Variants in ANKRD18B observed in about 807,000 individuals in gnomAD.
ANKRD18B encodes ankyrin repeat domain 18B.
A neutral mutation model predicts 111.8 loss-of-function variants in ANKRD18B; 75 were observed. The ratio of observed to expected loss-of-function variants is 0.67; its 90% CI spans 0.56 to 0.81. ANKRD18B has a LOEUF of 0.81. ANKRD18B is among the 40% of genes least tolerant of loss of function. ANKRD18B has a pLI of 0.00. For missense variants in ANKRD18B, 1,038 were observed against 1,225.5 expected (o/e 0.85, Z 2.28); for synonymous variants, 356 against 417.3 (o/e 0.85, Z 1.79).
intron 4 of ANKRD18B, chr9:33,533,884 C>CATT (rs57494608): frequency 0.16 from 20,829 of 127,812 alleles, 1,195 homozygotes; most frequent in Middle Eastern, 0.23. Flanking sequence ...TTACCATTAT[C>CATT]ATTATTATTA....
chr9:33,554,203 AAAAG>A (rs1828489824), intron 12 of ANKRD18B, among the ~76,000 whole-genome samples: 1 of 151,380 alleles, frequency 6.6e-6, no homozygotes, highest in Middle Eastern at 3.4e-3. Flanking sequence ...GAAAGAAAGA[AAAAG>A]AAAGGACAAA....
chr9:33,543,074 T>C, intron 9 of ANKRD18B, 111 bp from the exon 10 acceptor site: 1 of 1,066,004 alleles, frequency 9.4e-7, no homozygotes, highest in Non-Finnish European at 1.4e-6. Flanking sequence ...TTAAGCTTCA[T>C]TTAAATTCTC....
Position 33,533,548 on chromosome 9 carries a change from G to A in ANKRD18B, c.602+3G>A, listed in dbSNP as rs1028153869. ...CATGCCGTTGACAATTTCAAAAGGT[G>A]CAATAGTTTTTGTTTTCTGTTTTCT... On this transcript the variant is annotated splice_donor_region_variant and intron_variant, in intron 4 of 18. Coordinates refer to ENST00000684830, the MANE Select transcript of ANKRD18B (RefSeq NM_001393611.1). 3 of 1,527,866 alleles carry A rather than the reference G, an allele frequency of 2.0e-6. No individual in the cohort carries two copies. The highest frequency in any genetic ancestry group is 2.5e-5 in the East Asian group (1 of 40,496). The allele number at this position is 1,527,866 out of a possible 1,614,324, so 94.6% of individuals were successfully genotyped here. A position where few individuals can be genotyped will look rare whatever the true frequency, so the allele number is the denominator to read the frequency against.
chr9:33,559,047 C>G (rs397832804), intron 14 of ANKRD18B, among the ~76,000 whole-genome samples: 3 of 152,130 alleles, frequency 2.0e-5, no homozygotes, highest in Non-Finnish European at 2.9e-5. Flanking sequence ...AATTGATAAA[C>G]AAAATCTGTT....
chr9:33,572,264 G>A (rs536192787), intron 18 of ANKRD18B, 52 bp from the exon 19 acceptor site: 104 of 1,407,884 alleles, frequency 7.4e-5, no homozygotes, highest in Non-Finnish European at 9.4e-5. Context: ...CTTACACTTC[G>A]TTAACTGAAA....
Position 33,549,923 on chromosome 9 carries a change from T to C in ANKRD18B, c.2068-507T>C, listed in dbSNP as rs190390088. On this transcript the variant is annotated intron_variant, in intron 11 of 18. Transcript: ENST00000684830. ...GATATAATTCTTTCCAGTACAAAGA[T>C]ACTTTTAGCTGTCTGTGATTTATGA... Among the ~76,000 whole-genome samples the C allele has an allele frequency of 1.9e-3, 286 of 152,304 alleles. 1 individual carries two copies. The highest frequency in any genetic ancestry group is 3.0e-3 in the Non-Finnish European group (201 of 68,018).
intron 9 of ANKRD18B, among the ~76,000 whole-genome samples, chr9:33,542,477 G>A (rs559308125): frequency 2.0e-5 from 3 of 151,794 alleles, no homozygotes; most frequent in South Asian, 4.2e-4. Flanking sequence ...GAAACTCCTG[G>A]GCTTAAGGGA....
chr9:33,548,347 C>G lies in ANKRD18B; in HGVS notation c.1559C>G (p.Ala520Gly). The stretch of plus-strand genomic sequence containing the variant: ...GACCTAGAACTAGTTTTATGGAGAG[C>G]AGATGATGTTTCTAGACATGAAACA... ...RKDLELVLWR[A>G]DDVSRHETMG... Residue 520 changes from alanine to glycine, a missense_variant, in exon 11 of 19, where the codon GCA becomes GGA. Physicochemically the swap from Ala to Gly is moderately conservative, Grantham distance 60. Transcript: ENST00000684830. 6.5e-7 allele frequency: 1 copy of G among 1,549,656 alleles called. No individual in the cohort carries two copies. Among genetic ancestry groups the G allele is most frequent in the Non-Finnish European group, 8.7e-7 (1 of 1,146,072 alleles).
At position 33,572,801 on chromosome 9, in the gene ANKRD18B, C is replaced by CT. The variant is rs1388273357; in HGVS notation, c.*372dup. 1.1e-6 allele frequency: 1 copy of CT among 922,694 alleles called. No homozygotes were observed. The highest frequency in any genetic ancestry group is 1.8e-5 in the African/African-American group (1 of 55,916). 57.2% of individuals were successfully genotyped at this position (922,694 alleles called of 1,614,324 possible). Reference sequence around the variant, plus strand: ...TTGTCCATACTAGTGTTATGATTTTCTTTTTGTAGTTCAATAGTATTTTGT... The same window carrying CT: ...TTGTCCATACTAGTGTTATGATTTTCTTTTTTGTAGTTCAATAGTATTTTGT... On this transcript the variant is annotated 3_prime_UTR_variant, in exon 19 of 19. Coordinates refer to ENST00000684830, the MANE Select transcript of ANKRD18B (RefSeq NM_001393611.1).
chr9:33,531,656 T>C (rs1280789494), intron 3 of ANKRD18B, among the ~76,000 whole-genome samples: 3 of 146,164 alleles, frequency 2.1e-5, no homozygotes, highest in South Asian at 2.1e-4. Context: ...AGTATTTGAG[T>C]TTACAACTCC....
At chr9:33,545,330 T>C (rs1294696634) in intron 10 of ANKRD18B, among the ~76,000 whole-genome samples, 1 of 152,178 alleles carries the variant, frequency 6.6e-6, no homozygotes, top group Non-Finnish European at 1.5e-5. Flanking sequence ...CGAGAAAATA[T>C]AACCCAAAAT....
chr9:33,537,000 A>G (rs1484686652), intron 6 of ANKRD18B, 55 bp downstream of exon 6: 8 of 1,362,620 alleles, frequency 5.9e-6, no homozygotes, highest in South Asian at 1.4e-5. Flanking sequence ...ACTGATTTTA[A>G]AAAGCAAAAT....
intron 10 of ANKRD18B, among the ~76,000 whole-genome samples, chr9:33,545,965 T>C (rs1828349501): frequency 6.6e-6 from 1 of 152,204 alleles, no homozygotes; most frequent in Non-Finnish European, 1.5e-5. Flanking sequence ...TCATAATCTT[T>C]GTTCATTCAT....
At chr9:33,573,244 G>T, downstream of ANKRD18B, 23 of 985,302 alleles carry the variant, frequency 2.3e-5, no homozygotes, top group Non-Finnish European at 2.5e-5. Context: ...CCCATCATGC[G>T]CTCACTAGTC....
intron 17 of ANKRD18B, among the ~76,000 whole-genome samples, chr9:33,571,045 A>G (rs1055980869): frequency 5.9e-5 from 9 of 152,228 alleles, no homozygotes; most frequent in Admixed American, 2.0e-4. Flanking sequence ...TTACACAGAT[A>G]CATCCTCTAT....
intron 3 of ANKRD18B, among the ~76,000 whole-genome samples, chr9:33,531,872 C>T (rs1468440205): frequency 6.6e-6 from 1 of 151,762 alleles, no homozygotes; most frequent in African/African-American, 2.4e-5. Flanking sequence ...TAGGTTATTC[C>T]TGCTGAGAAG....
rs370660041 is a variant in ANKRD18B, at chr9:33,548,842, AAGC to A, written c.2057_2059del (p.Ala686del). On this transcript the variant is annotated inframe_deletion, in exon 11 of 19. Coordinates refer to ENST00000684830, the MANE Select transcript of ANKRD18B (RefSeq NM_001393611.1). Reference sequence around the variant, plus strand: ...AAACTGCTTCAGTATGAAAAAGAAAAAGCAGAAAGAGAAGTAAGTATGAAGAAA... The same window carrying A: ...AAACTGCTTCAGTATGAAAAAGAAAAAGAAAGAGAAGTAAGTATGAAGAAA... 1.1e-3 allele frequency: 1,643 copies of A among 1,489,100 alleles called. 28 individuals carry two copies. The South Asian group carries it at 0.021, about 19-fold the overall frequency. The allele number at this position is 1,489,100 out of a possible 1,614,324, so 92.2% of individuals were successfully genotyped here. A position where few individuals can be genotyped will look rare whatever the true frequency, so the allele number is the denominator to read the frequency against.
In ANKRD18B at chr9:33,547,918, ATTTGT is replaced by A; in HGVS notation, c.1150-11_1150-7del. On this transcript the variant is annotated splice_polypyrimidine_tract_variant and intron_variant, in intron 10 of 18. Coordinates refer to ENST00000684830, the MANE Select transcript of ANKRD18B (RefSeq NM_001393611.1). ...AGATTATTTTGAGTGCTAACTAAAA[ATTTGT>A]TTTGTTTTATTTAGGATTCTCAAAG... is the stretch of plus-strand genomic sequence containing the variant. 3 of 1,381,106 alleles carry A rather than the reference ATTTGT, an allele frequency of 2.2e-6. No individual in the cohort carries two copies. Among genetic ancestry groups the A allele is most frequent in the South Asian group, 3.6e-5 (2 of 55,866 alleles). 85.6% of individuals were successfully genotyped at this position (1,381,106 alleles called of 1,614,324 possible). A position where few individuals can be genotyped will look rare whatever the true frequency, so the allele number is the denominator to read the frequency against.
Position 33,549,086 on chromosome 9 carries a change from G to A in ANKRD18B, c.2067+231G>A, listed in dbSNP as rs187586409. ...GGGTCGTGACTGCTAATGGGCATTA[G>A]GGATTGTCCTGGAGTGATGAAAATG... On this transcript the variant is annotated intron_variant, in intron 11 of 18. Coordinates refer to ENST00000684830, the MANE Select transcript of ANKRD18B (RefSeq NM_001393611.1). Among the ~76,000 whole-genome samples, 6 of 152,270 alleles carry A rather than the reference G, an allele frequency of 3.9e-5. No individual in the cohort carries two copies. The East Asian group carries it at 9.6e-4, about 24-fold the overall frequency.
Sources: gnomAD v4.1 joint callset for allele counts (sites outside exome capture counted in the v4.1 genomes callset) on GRCh38, gnomAD v4.1.1 for gene constraint, MANE v1.5 for transcripts, NCBI Gene and HGNC (gene_info 2026-07-23, HGNC 2026-07-21) for gene names.